NLRP7: variants seen among roughly 807,000 people sequenced by gnomAD.
The protein encoded by NLRP7 is NACHT, LRR and PYD domains-containing protein 7.
NLRP7 carries 72 observed loss-of-function variants against 85.5 expected under a neutral mutation model. That is an observed-to-expected ratio of 0.84 (90% CI 0.70 to 1.02). The LOEUF (loss-of-function observed/expected upper bound fraction) is 1.02. Among genes scored for constraint, NLRP7 ranks in the 50% least tolerant of loss-of-function variants. NLRP7 has a pLI of 0.00. For synonymous variants in NLRP7, 550 were observed against 505.2 expected (o/e 1.09, Z -1.19); for missense variants, 1,243 against 1,219.5 (o/e 1.02, Z -0.29).
chr19:54,964,612 C>A (rs1225430858), intron 1 of NLRP7, among the ~76,000 whole-genome samples: 1 of 151,708 alleles, frequency 6.6e-6, no homozygotes, highest in Non-Finnish European at 1.5e-5. Flanking sequence ...CACCTGAGGT[C>A]AGGAGTTTGA....
chr19:54,928,664 T>C (rs1472399576), intron 9 of NLRP7, among the ~76,000 whole-genome samples: 1 of 152,088 alleles, frequency 6.6e-6, no homozygotes, highest in Non-Finnish European at 1.5e-5. Context: ...TGAAGGATGG[T>C]AGATCATGAA....
chr19:54,948,334 C>G (rs1036897758), upstream of NLRP7, among the ~76,000 whole-genome samples: 1 of 151,894 alleles, frequency 6.6e-6, no homozygotes, highest in Admixed American at 6.6e-5. Flanking sequence ...GAGTGAGGCA[C>G]GATCACGCCA....
intron 5 of NLRP7, among the ~76,000 whole-genome samples, chr19:54,936,983 C>T (rs953914960): frequency 6.6e-6 from 1 of 151,744 alleles, no homozygotes; most frequent in Non-Finnish European, 1.5e-5. Flanking sequence ...GAGGCCGAGG[C>T]CGAGGCGGGT....
At chr19:54,953,705 A>G (rs972624110) in intron 1 of NLRP7, among the ~76,000 whole-genome samples, 3 of 151,842 alleles carry the variant, frequency 2.0e-5, no homozygotes, top group African/African-American at 7.3e-5. Context: ...TCCCTTAGCA[A>G]TAAAGAATCC....
At position 54,939,886 on chromosome 19, in the gene NLRP7, G is replaced by A. The variant is rs747692378; in HGVS notation, c.933C>T (p.Leu311=). The A allele has an allele frequency of 3.1e-6, 5 of 1,614,026 alleles. No individual in the cohort carries two copies. The South Asian group carries it at 4.4e-5, about 14-fold the overall frequency. Residue 311 remains leucine, a synonymous_variant, in exon 4 of 10, where the codon CTC becomes CTT. Transcript: ENST00000340844. ...TTACGTAGATCGGCTGCTGCGCCAG[G>A]AGCTGGAGGTCCCTCAGTGCCCTGG...
chr19:54,947,892 A>T (rs554515618), upstream of NLRP7: 13 of 263,974 alleles, frequency 4.9e-5, no homozygotes, highest in East Asian at 1.1e-3. Flanking sequence ...TAAAAATTAA[A>T]AAAAAAGAGG....
upstream of NLRP7, among the ~76,000 whole-genome samples, chr19:54,951,056 A>C (rs528942991): frequency 7.2e-5 from 11 of 152,348 alleles, no homozygotes; most frequent in South Asian, 1.5e-3. Context: ...CATCTTGCAC[A>C]GCCCTTAATC....
chr19:54,962,327 G>A (rs939890444), intron 1 of NLRP7, among the ~76,000 whole-genome samples: 5 of 143,960 alleles, frequency 3.5e-5, no homozygotes, highest in Non-Finnish European at 7.6e-5. Context: ...GAGTGCAATG[G>A]CACGATCTCA....
At chr19:54,929,220 T>C (rs1004192507) in intron 9 of NLRP7, among the ~76,000 whole-genome samples, 2 of 151,836 alleles carry the variant, frequency 1.3e-5, no homozygotes, top group Admixed American at 1.3e-4. Context: ...AATACAAAAA[T>C]TAGCTGGGTA....
At chr19:54,959,196 T>C (rs1334838277) in intron 1 of NLRP7, among the ~76,000 whole-genome samples, 9 of 150,420 alleles carry the variant, frequency 6.0e-5, no homozygotes, top group Non-Finnish European at 1.2e-4. Flanking sequence ...TGGAGTGCAG[T>C]GGCACAATCT....
At chr19:54,940,837 A>C in intron 3 of NLRP7, 94 bp downstream of exon 3, 1 of 901,548 alleles carries the variant, frequency 1.1e-6, no homozygotes, top group Non-Finnish European at 1.9e-6. Context: ...AAAAAAAAAA[A>C]AAACTACCAG....
chr19:54,925,647 G>A (rs2068398058), intron 9 of NLRP7, among the ~76,000 whole-genome samples: 2 of 152,146 alleles, frequency 1.3e-5, no homozygotes, highest in South Asian at 2.1e-4. Flanking sequence ...AGAGCAAAAC[G>A]TTGTCTCAGA....
exon 10 of NLRP7, chr19:54,923,582 C>T (rs139173842): frequency 2.0e-5 from 16 of 820,032 alleles, no homozygotes; most frequent in African/African-American, 1.2e-4. Flanking sequence ...GTGCGTGACT[C>T]GTGCAGAATC....
intron 1 of NLRP7, among the ~76,000 whole-genome samples, chr19:54,962,716 C>T (rs1159206140): frequency 2.0e-5 from 3 of 151,686 alleles, no homozygotes; most frequent in African/African-American, 7.3e-5. Context: ...TCTCCTGCCT[C>T]AGCCTCCCGA....
exon 10 of NLRP7, chr19:54,923,784 C>T: frequency 6.2e-7 from 1 of 1,614,044 alleles, no homozygotes; most frequent in South Asian, 1.1e-5. Context: ...GCCCCGGAAG[C>T]ATTGCAATCA....
chr19:54,933,965 C>T (rs532462303), intron 7 of NLRP7, among the ~76,000 whole-genome samples: 44 of 152,136 alleles, frequency 2.9e-4, no homozygotes, highest in Non-Finnish European at 4.7e-4. Flanking sequence ...GTTTTTGAGA[C>T]GGAGTCTCGC....
chr19:54,947,154 G>A (rs189280861), intron 1 of NLRP7, among the ~76,000 whole-genome samples: 1 of 151,920 alleles, frequency 6.6e-6, no homozygotes, highest in Non-Finnish European at 1.5e-5. Context: ...GTGAGACCCC[G>A]TCTCTACTAA....
upstream of NLRP7, among the ~76,000 whole-genome samples, chr19:54,951,231 T>C (rs1433416449): frequency 6.6e-6 from 1 of 152,090 alleles, no homozygotes; most frequent in Non-Finnish European, 1.5e-5. Flanking sequence ...CAATCTGATC[T>C]CTCTTTCTTT....
intron 9 of NLRP7, among the ~76,000 whole-genome samples, chr19:54,926,529 C>T (rs139822428): frequency 1.3e-5 from 2 of 152,062 alleles, no homozygotes; most frequent in African/African-American, 4.8e-5. Context: ...CCTGTAATCC[C>T]GGCACTTTGA....
Sources: gnomAD v4.1 joint callset for allele counts (sites outside exome capture counted in the v4.1 genomes callset) on GRCh38, gnomAD v4.1.1 for gene constraint, MANE v1.5 for transcripts, NCBI Gene and HGNC (gene_info 2026-07-23, HGNC 2026-07-21) for gene names.